SRRM4: variants seen among roughly 807,000 people sequenced by gnomAD.
The protein encoded by SRRM4 is serine/arginine repetitive matrix protein 4.
In SRRM4, 33 loss-of-function variants were observed where a neutral mutation model predicts 68.9. The ratio of observed to expected loss-of-function variants is 0.48; its 90% CI spans 0.36 to 0.64. SRRM4 has a LOEUF of 0.64. Ranked by LOEUF, SRRM4 falls within the 30% of genes least tolerant of loss-of-function variation. The probability of loss-of-function intolerance (pLI) is 0.00; values close to 1 mark genes in which losing one functional copy is unlikely to be tolerated. For synonymous variants in SRRM4, 318 were observed against 318.8 expected (o/e 1.00, Z 0.03); for missense variants, 817 against 827.1 (o/e 0.99, Z 0.15).
chr12:119,105,182 G>A (rs1279558521), intron 2 of SRRM4, among the ~76,000 whole-genome samples: 1 of 151,954 alleles, frequency 6.6e-6, no homozygotes, highest in Non-Finnish European at 1.5e-5. Flanking sequence ...GTATTCCATG[G>A]TGTATATGTG....
At chr12:119,065,790 T>C (rs1367256812) in intron 1 of SRRM4, among the ~76,000 whole-genome samples, 2 of 152,032 alleles carry the variant, frequency 1.3e-5, no homozygotes, top group Non-Finnish European at 2.9e-5. Flanking sequence ...GGTCAGTGGT[T>C]GAATGGATGC....
intron 1 of SRRM4, among the ~76,000 whole-genome samples, chr12:119,087,891 C>T (rs1016477622): frequency 1.6e-4 from 25 of 152,274 alleles, no homozygotes; most frequent in Middle Eastern, 3.4e-3. Context: ...AGGCAAGCCA[C>T]TGCACCTCTC....
chr12:119,088,532 A>G (rs1182001739), intron 1 of SRRM4, among the ~76,000 whole-genome samples: 1 of 152,244 alleles, frequency 6.6e-6, no homozygotes, highest in Non-Finnish European at 1.5e-5. Context: ...GTAAGGTATT[A>G]TCATCCTCAT....
At chr12:119,003,847 G>A (rs1399637334) in intron 1 of SRRM4, among the ~76,000 whole-genome samples, 8 of 151,958 alleles carry the variant, frequency 5.3e-5, no homozygotes, top group Admixed American at 4.6e-4. Context: ...TAGAGAAAAC[G>A]CTGAATTATT....
intron 8 of SRRM4, among the ~76,000 whole-genome samples, chr12:119,142,094 C>A (rs560133498): frequency 6.6e-6 from 1 of 152,162 alleles, no homozygotes; most frequent in African/African-American, 2.4e-5. Flanking sequence ...CTGAATCAGT[C>A]AGCTTAGGCT....
chr12:119,154,295 C>A lies in SRRM4; in HGVS notation c.1444C>A (p.Arg482=). 1 of 1,611,432 alleles carries A rather than the reference C, an allele frequency of 6.2e-7. No individual in the cohort carries two copies. The highest frequency in any genetic ancestry group is 1.1e-5 in the South Asian group (1 of 90,488). ...GGACTCGCAGCAGCGGGAGCGCGAG[C>A]GAGCGCGTCGGAGACGTCGGTCCTA... ...EKDSQQRERE[R]ARRRRRSYSP... The change falls in exon 12 of 13, where the codon CGA becomes AGA. Residue 482 remains arginine, a synonymous_variant. Coordinates refer to ENST00000267260, the MANE Select transcript of SRRM4 (RefSeq NM_194286.4). This position sits in a 1 kb window ranked among gnomAD's most constrained non-coding sequence, Gnocchi z 4.7.
chr12:119,107,648 T>A (rs11513724), intron 2 of SRRM4, among the ~76,000 whole-genome samples: 32,178 of 152,116 alleles, frequency 0.21, 4,208 homozygotes, highest in Non-Finnish European at 0.28. Context: ...TGTATTTCTG[T>A]GGGATCGGTG....
intron 3 of SRRM4, among the ~76,000 whole-genome samples, chr12:119,114,931 T>C (rs1350334821): frequency 1.3e-5 from 2 of 151,924 alleles, no homozygotes; most frequent in Non-Finnish European, 2.9e-5. Flanking sequence ...TCCAAAGTGC[T>C]GGGGTTACAA....
intron 1 of SRRM4, among the ~76,000 whole-genome samples, chr12:118,996,377 T>A (rs1953349699): frequency 6.6e-6 from 1 of 152,216 alleles, no homozygotes; most frequent in South Asian, 2.1e-4. Flanking sequence ...TGACCCTTTT[T>A]CACTTGTGCA....
chr12:118,994,894 C>T (rs1594018290), intron 1 of SRRM4, among the ~76,000 whole-genome samples: 1 of 152,216 alleles, frequency 6.6e-6, no homozygotes, highest in African/African-American at 2.4e-5. Context: ...GGGATTATAC[C>T]CCTGATCAAG....
intron 1 of SRRM4, among the ~76,000 whole-genome samples, chr12:119,018,650 A>G (rs780489767): frequency 6.6e-5 from 10 of 152,324 alleles, no homozygotes; most frequent in Middle Eastern, 6.8e-3. Flanking sequence ...AGAGAAAAGC[A>G]TTTGTTCAGA....
intron 1 of SRRM4, among the ~76,000 whole-genome samples, chr12:119,034,157 G>GT (rs1392247254): frequency 6.6e-6 from 1 of 152,228 alleles, no homozygotes; most frequent in Non-Finnish European, 1.5e-5. Flanking sequence ...GGAGGTCTCA[G>GT]TGGAGGCCTC....
chr12:119,008,213 AG>A (rs776365277), intron 1 of SRRM4, among the ~76,000 whole-genome samples: 11 of 152,158 alleles, frequency 7.2e-5, no homozygotes, highest in Non-Finnish European at 1.6e-4. Flanking sequence ...ACATGACAAA[AG>A]CCTCATCTCT....
intron 8 of SRRM4, among the ~76,000 whole-genome samples, chr12:119,131,689 A>T (rs930580783): frequency 2.6e-5 from 4 of 152,180 alleles, no homozygotes; most frequent in African/African-American, 9.7e-5. Flanking sequence ...CCATTTTCTC[A>T]TTGGTAAACT....
chr12:119,055,644 G>T (rs1742306777), intron 1 of SRRM4, among the ~76,000 whole-genome samples: 1 of 152,218 alleles, frequency 6.6e-6, no homozygotes, highest in Non-Finnish European at 1.5e-5. Flanking sequence ...TTAGTTGTCA[G>T]ATGACCCTGT....
intron 8 of SRRM4, among the ~76,000 whole-genome samples, chr12:119,137,587 GGAGAGAGAGAGA>G (rs55883419): frequency 0.028 from 3,390 of 119,166 alleles, 145 homozygotes; most frequent in East Asian, 0.078. Flanking sequence ...GGTTTGGAGT[GGAGAGAGAGAGA>G]GAGAGAGAGA....
rs1954473617 is a variant in SRRM4, at chr12:119,156,618, C to T, written c.1656C>T (p.Ser552=). 1.2e-6 allele frequency: 2 copies of T among 1,608,726 alleles called. No homozygotes were observed. Among genetic ancestry groups the T allele is most frequent in the South Asian group, 2.2e-5 (2 of 90,192 alleles). ...CGGCCAGCCGCAGCTACTCCCGGAG[C>T]CGGAGTCGGAGCCGGAGCCGGAGAC... ...SRSASRSYSR[S]RSRSRSRRRS... is the part of the protein sequence containing the mutation. The change falls in exon 13 of 13, where the codon AGC becomes AGT. Residue 552 remains serine (S), a synonymous_variant. Transcript: ENST00000267260.
chr12:119,043,775 TACACACACAC>T (rs58053550), intron 1 of SRRM4, among the ~76,000 whole-genome samples: 36 of 141,664 alleles, frequency 2.5e-4, no homozygotes, highest in Non-Finnish European at 4.5e-4. Context: ...CATACACGCA[TACACACACAC>T]ACACACACAC....
chr12:119,019,779 T>G (rs1366022397), intron 1 of SRRM4, among the ~76,000 whole-genome samples: 2 of 152,058 alleles, frequency 1.3e-5, no homozygotes, highest in African/African-American at 4.8e-5. Flanking sequence ...GCTCTGTGGT[T>G]ATTGATCACT....
Sources: allele counts gnomAD v4.1 joint callset (sites outside exome capture counted in the v4.1 genomes callset), GRCh38; gene constraint gnomAD v4.1.1; non-coding constraint Gnocchi (gnomAD v3.1); transcripts MANE v1.5; gene names NCBI Gene and HGNC (gene_info 2026-07-23, HGNC 2026-07-21).